The following PARPBP variants were observed in gnomAD, a reference collection of about 807,000 sequenced individuals.
PARPBP encodes the protein PARP1 binding protein.
In PARPBP, 52 loss-of-function variants were observed where a neutral mutation model predicts 50.0. That is an observed-to-expected ratio of 1.04 (90% CI 0.83 to 1.31). PARPBP has a LOEUF of 1.31. Ranked by LOEUF, PARPBP falls within the 50% of genes most tolerant of loss-of-function variation. PARPBP has a pLI of 0.00. For missense variants in PARPBP, 697 were observed against 672.0 expected (o/e 1.04, Z -0.41); for synonymous variants, 244 against 232.1 (o/e 1.05, Z -0.47).
intron 8 of PARPBP, among the ~76,000 whole-genome samples, chr12:102,181,938 C>A (rs1162893072): frequency 1.3e-5 from 2 of 152,090 alleles, no homozygotes; most frequent in African/African-American, 2.4e-5. Flanking sequence ...AAAGTGCTCC[C>A]ACAAACCCTT....
chr12:102,180,950 T>A (rs937897641), intron 8 of PARPBP, among the ~76,000 whole-genome samples: 8 of 152,180 alleles, frequency 5.3e-5, no homozygotes, highest in Non-Finnish European at 2.9e-5. Flanking sequence ...TTAGTAGTCA[T>A]TTGAGTCAAG....
chr12:102,139,760 G>A (rs1170556737), intron 2 of PARPBP, among the ~76,000 whole-genome samples: 1 of 152,114 alleles, frequency 6.6e-6, no homozygotes, highest in Admixed American at 6.5e-5. Flanking sequence ...TTTGTCTTTG[G>A]TTCTGTTTAT....
At chr12:102,174,460 A>G (rs1390362078) in intron 6 of PARPBP, among the ~76,000 whole-genome samples, 10 of 152,330 alleles carry the variant, frequency 6.6e-5, no homozygotes, top group African/African-American at 2.2e-4. Flanking sequence ...CCTGGCAATA[A>G]GGCGAGAGTG....
intron 9 of PARPBP, among the ~76,000 whole-genome samples, chr12:102,188,255 G>C (rs137868792): frequency 6.6e-6 from 1 of 151,710 alleles, no homozygotes; most frequent in African/African-American, 2.4e-5. Context: ...CCTCAAACAC[G>C]TGGCTGGTCT....
chr12:102,178,535 G>A, intron 7 of PARPBP, 57 bp from the exon 8 acceptor site: 4 of 1,065,576 alleles, frequency 3.8e-6, no homozygotes, highest in East Asian at 2.6e-5. Flanking sequence ...TAAAAGTATG[G>A]CCATTCACCC....
At chr12:102,123,596 A>G (rs1351997077) in intron 1 of PARPBP, among the ~76,000 whole-genome samples, 2 of 151,680 alleles carry the variant, frequency 1.3e-5, no homozygotes, top group African/African-American at 4.8e-5. Context: ...TTGTAATTAT[A>G]AGTTTGCAGT....
intron 2 of PARPBP, among the ~76,000 whole-genome samples, chr12:102,133,764 T>G (rs1387907417): frequency 6.6e-6 from 1 of 152,186 alleles, no homozygotes; most frequent in African/African-American, 2.4e-5. Context: ...TTAACAAATT[T>G]AAGAAGATTG....
chr12:102,139,886 A>G lies in PARPBP; in HGVS notation c.154-8344A>G, dbSNP rs569071784. Among the ~76,000 whole-genome samples the G allele has an allele frequency of 3.9e-4, 60 of 152,306 alleles. No homozygotes were observed. The South Asian group carries it at 0.012, about 29-fold the overall frequency. On this transcript the variant is annotated intron_variant, in intron 2 of 10. Coordinates refer to ENST00000327680, the MANE Select transcript of PARPBP (RefSeq NM_017915.5). The stretch of plus-strand genomic sequence containing the variant: ...GATGTGCTGCTGGATTTAGTTTGCC[A>G]GTATTTTATTGAGGATTTTCGCATG...
chr12:102,153,214 C>CCAAT (rs1459312190), intron 3 of PARPBP, among the ~76,000 whole-genome samples: 9 of 152,180 alleles, frequency 5.9e-5, no homozygotes, highest in African/African-American at 2.2e-4. Flanking sequence ...TCTGCCTCCA[C>CCAAT]CAATCAGCAG....
chr12:102,143,975 C>A (rs185367410), intron 2 of PARPBP, among the ~76,000 whole-genome samples: 70 of 152,290 alleles, frequency 4.6e-4, no homozygotes, highest in Admixed American at 2.2e-3. Flanking sequence ...TATCACCACT[C>A]TTTCCCCTCA....
rs912968384 is a variant in PARPBP, at chr12:102,196,960, A to C, written c.*669A>C. ...GTAGGATGTAAGAATTGAATTTTGA[A>C]AAGACTACTCACTGTCAAAATCTCT... On this transcript the variant is annotated 3_prime_UTR_variant, in exon 11 of 11. Transcript: ENST00000327680. 1.3e-6 allele frequency: 2 copies of C among 1,597,702 alleles called. No individual in the cohort carries two copies. Among genetic ancestry groups the C allele is most frequent in the African/African-American group, 2.7e-5 (2 of 74,418 alleles).
Position 102,158,636 on chromosome 12 carries a change from C to T in PARPBP, c.495+4660C>T, listed in dbSNP as rs538782519. ...TTCACTTACATTTCCTTTCTTTTCC[C>T]TTGATGCTCCAAATCTTGACAAAGT... On this transcript the variant is annotated intron_variant, in intron 4 of 10. Transcript: ENST00000327680. Among the ~76,000 whole-genome samples, 88 of 151,388 alleles carry T rather than the reference C, an allele frequency of 5.8e-4. 1 individual carries two copies. The South Asian group carries it at 9.4e-3, about 16-fold the overall frequency.
At chr12:102,142,934 T>G (rs1472916363) in intron 2 of PARPBP, among the ~76,000 whole-genome samples, 1 of 152,126 alleles carries the variant, frequency 6.6e-6, no homozygotes, top group African/African-American at 2.4e-5. Context: ...GGCTACTTGG[T>G]GTTCAGGGAC....
chr12:102,137,347 T>A (rs756431228), intron 2 of PARPBP, among the ~76,000 whole-genome samples: 1 of 152,202 alleles, frequency 6.6e-6, no homozygotes, highest in Non-Finnish European at 1.5e-5. Flanking sequence ...AGTAGAGTTG[T>A]TAGTCTGTCT....
intron 1 of PARPBP, among the ~76,000 whole-genome samples, chr12:102,120,726 C>T (rs375743860): frequency 7.2e-5 from 11 of 152,180 alleles, no homozygotes; most frequent in East Asian, 5.8e-4. Context: ...TACTAAATGC[C>T]TGGCACTAGG....
intron 9 of PARPBP, among the ~76,000 whole-genome samples, chr12:102,188,582 C>G (rs1890520739): frequency 6.6e-6 from 1 of 152,064 alleles, no homozygotes; most frequent in African/African-American, 2.4e-5. Flanking sequence ...TGGAAGAGGT[C>G]ATCTGTAGCT....
intron 4 of PARPBP, among the ~76,000 whole-genome samples, chr12:102,159,962 A>G (rs529674044): frequency 6.6e-6 from 1 of 152,386 alleles, no homozygotes; most frequent in Non-Finnish European, 1.5e-5. Context: ...ACTTTGTGGT[A>G]TGGATATAAT....
chr12:102,165,662 C>T, intron 5 of PARPBP, 67 bp from the exon 6 acceptor site: 1 of 1,230,678 alleles, frequency 8.1e-7, no homozygotes, highest in Non-Finnish European at 1.2e-6. Flanking sequence ...ATTTACTTAG[C>T]TTTATGAAGT....
At chr12:102,157,291 T>C (rs950642042) in intron 4 of PARPBP, among the ~76,000 whole-genome samples, 2 of 152,168 alleles carry the variant, frequency 1.3e-5, no homozygotes, top group Non-Finnish European at 2.9e-5. Context: ...AGCGTACATT[T>C]CCTAAAAGTA....
Sources: gnomAD v4.1 joint callset for allele counts (sites outside exome capture counted in the v4.1 genomes callset) on GRCh38, gnomAD v4.1.1 for gene constraint, MANE v1.5 for transcripts, NCBI Gene and HGNC (gene_info 2026-07-23, HGNC 2026-07-21) for gene names.